Variants in NLRP14 observed in about 807,000 individuals in gnomAD.
NLRP14 encodes the protein NLR family pyrin domain containing 14, also known as NACHT, LRR and PYD domains-containing protein 14.
Under a neutral mutation model 94.7 loss-of-function variants are expected in NLRP14, and 105 were observed. The observed-to-expected ratio is 1.11, with a 90% CI of 0.95 to 1.30. The LOEUF (loss-of-function observed/expected upper bound fraction) is 1.30, where lower values mean the gene tolerates loss of function less well. Ranked by LOEUF, NLRP14 falls within the 50% of genes most tolerant of loss-of-function variation. The probability of loss-of-function intolerance (pLI) is 0.00; values close to 1 mark genes in which losing one functional copy is unlikely to be tolerated. For missense variants in NLRP14, 1,362 were observed against 1,254.1 expected (o/e 1.09, Z -1.30); for synonymous variants, 508 against 459.9 (o/e 1.10, Z -1.34).
At chr11:7,068,184 T>C (rs936186696) in intron 10 of NLRP14, among the ~76,000 whole-genome samples, 3 of 152,168 alleles carry the variant, frequency 2.0e-5, no homozygotes, top group Non-Finnish European at 4.4e-5. Flanking sequence ...GAACACAACA[T>C]TGATCCACTC....
At chr11:7,052,941 C>A (rs1437177102) in intron 6 of NLRP14, among the ~76,000 whole-genome samples, 9 of 152,152 alleles carry the variant, frequency 5.9e-5, no homozygotes, top group Admixed American at 4.6e-4. Context: ...AACTACCAGT[C>A]CTCTTCTCCA....
chr11:7,043,075 T>C lies in NLRP14; in HGVS notation c.1049T>C (p.Met350Thr), dbSNP rs564053682. The change falls in exon 4 of 12, where the codon ATG becomes ACG. Residue 350 changes from methionine to threonine, a missense_variant. Met to Thr is a moderately conservative substitution (Grantham distance 81, BLOSUM62 -1). Transcript: ENST00000299481. Reference sequence around the variant, plus strand: ...TTTTTTGAAGATAAGAGGTGGGCCATGAAAGTATTCAGTTCACTAAAAAGC... The same window carrying C: ...TTTTTTGAAGATAAGAGGTGGGCCACGAAAGTATTCAGTTCACTAAAAAGC... ...YQFFEDKRWA[M>T]KVFSSLKSNE... The C allele has an allele frequency of 2.5e-6, 4 of 1,614,122 alleles. No homozygotes were observed. The highest frequency in any genetic ancestry group is 2.7e-5 in the African/African-American group (2 of 75,044).
intron 1 of NLRP14, among the ~76,000 whole-genome samples, chr11:7,024,537 G>A (rs1015356758): frequency 2.0e-5 from 3 of 152,106 alleles, no homozygotes; most frequent in African/African-American, 7.2e-5. Flanking sequence ...TAGTTCACTT[G>A]CTGGCCATAA....
chr11:7,029,007 G>A (rs1255787266), intron 1 of NLRP14, among the ~76,000 whole-genome samples: 1 of 152,048 alleles, frequency 6.6e-6, no homozygotes, highest in Non-Finnish European at 1.5e-5. Context: ...GTATTTGTGT[G>A]TGTGACTGTT....
the NLRP14 span, among the ~76,000 whole-genome samples, chr11:7,077,501 C>T: frequency 6.6e-6 from 1 of 152,232 alleles, no homozygotes; most frequent in Non-Finnish European, 1.5e-5. Flanking sequence ...AATTAAAAGT[C>T]AGCCACTCTT....
the NLRP14 span, among the ~76,000 whole-genome samples, chr11:7,076,637 T>C: frequency 5.3e-5 from 8 of 152,250 alleles, no homozygotes; most frequent in South Asian, 1.7e-3. Context: ...GCACTCTATC[T>C]TATATATCAT....
chr11:7,057,924 A>C (rs1852542708), intron 7 of NLRP14, 77 bp downstream of exon 7: 2 of 1,220,520 alleles, frequency 1.6e-6, no homozygotes, highest in Non-Finnish European at 2.4e-6. Context: ...TGATAGGGAA[A>C]CTTCTTGGGT....
chr11:7,071,974 A>G (rs1353455771), downstream of NLRP14, among the ~76,000 whole-genome samples: 4 of 152,246 alleles, frequency 2.6e-5, no homozygotes, highest in Non-Finnish European at 5.9e-5. Flanking sequence ...TTAAGGGAAT[A>G]TAAGGTTATT....
At chr11:7,042,096 A>G (rs1316310832) in intron 3 of NLRP14, among the ~76,000 whole-genome samples, 1 of 151,986 alleles carries the variant, frequency 6.6e-6, no homozygotes, top group Non-Finnish European at 1.5e-5. Flanking sequence ...AAGGAAAAGT[A>G]CAAAGAAGAA....
At chr11:7,068,159 T>G (rs1427405056) in intron 10 of NLRP14, among the ~76,000 whole-genome samples, 1 of 152,160 alleles carries the variant, frequency 6.6e-6, no homozygotes, top group African/African-American at 2.4e-5. Flanking sequence ...ACCATTTCTT[T>G]ATTTTTTATT....
downstream of NLRP14, among the ~76,000 whole-genome samples, chr11:7,076,086 G>A (rs1365594540): frequency 2.0e-5 from 3 of 152,178 alleles, no homozygotes; most frequent in Non-Finnish European, 4.4e-5. Flanking sequence ...GTGGAACAGT[G>A]GTGATGGTTA....
the NLRP14 span, among the ~76,000 whole-genome samples, chr11:7,080,450 C>T: frequency 3.9e-5 from 6 of 152,310 alleles, no homozygotes; most frequent in East Asian, 3.9e-4. Context: ...TACATTTTGT[C>T]GTGACCAATG....
intron 10 of NLRP14, among the ~76,000 whole-genome samples, chr11:7,066,010 C>A (rs1362107595): frequency 3.3e-5 from 5 of 152,142 alleles, no homozygotes; most frequent in Non-Finnish European, 7.3e-5. Context: ...TTTCCAGCTT[C>A]ATCCATGTCC....
intron 3 of NLRP14, among the ~76,000 whole-genome samples, chr11:7,040,243 C>T (rs1325599727): frequency 1.3e-5 from 2 of 152,156 alleles, no homozygotes; most frequent in Non-Finnish European, 2.9e-5. Context: ...CCACAGACCC[C>T]TACTGGTCGG....
chr11:7,078,948 A>G, the NLRP14 span, among the ~76,000 whole-genome samples: 2 of 152,196 alleles, frequency 1.3e-5, no homozygotes, highest in African/African-American at 2.4e-5. Flanking sequence ...TAGCAGGAAC[A>G]AAGTAAGGGT....
Position 7,052,834 on chromosome 11 carries a change from A to G in NLRP14, c.2291+2996A>G, listed in dbSNP as rs547023954. Among the ~76,000 whole-genome samples the G allele has an allele frequency of 7.2e-5, 11 of 152,314 alleles. No homozygotes were observed. In the South Asian group the frequency reaches 2.3e-3, roughly 32 times the overall value. On this transcript the variant is annotated intron_variant, in intron 6 of 11. Coordinates refer to ENST00000299481, the MANE Select transcript of NLRP14 (RefSeq NM_176822.4). ...TTTATAATCATGAAATGCCTAATGA[A>G]TCATCATAAATGTAAACAGAATTTG...
chr11:7,034,386 G>A (rs543681537), intron 1 of NLRP14, among the ~76,000 whole-genome samples: 4 of 152,102 alleles, frequency 2.6e-5, no homozygotes, highest in East Asian at 1.9e-4. Context: ...TCGGCTCATC[G>A]TATCTATTCC....
At chr11:7,039,357 T>TTTTA (rs780923354) in intron 2 of NLRP14, among the ~76,000 whole-genome samples, 2 of 150,628 alleles carry the variant, frequency 1.3e-5, no homozygotes, top group African/African-American at 4.9e-5. Context: ...GGCTTTAGAG[T>TTTTA]TATATATATA....
At chr11:7,048,236 G>A (rs1373539325) in intron 5 of NLRP14, among the ~76,000 whole-genome samples, 1 of 152,054 alleles carries the variant, frequency 6.6e-6, no homozygotes, top group African/African-American at 2.4e-5. Context: ...TAACCTGTTA[G>A]GAATAAGGGT....
Sources: allele counts gnomAD v4.1 joint callset (sites outside exome capture counted in the v4.1 genomes callset), GRCh38; gene constraint gnomAD v4.1.1; transcripts MANE v1.5; gene names NCBI Gene and HGNC (gene_info 2026-07-23, HGNC 2026-07-21).